Variants in MAP3K15 observed in about 807,000 individuals in gnomAD.
The protein encoded by MAP3K15 is MAPK/ERK kinase kinase 15.
A neutral mutation model predicts 99.5 loss-of-function variants in MAP3K15; 124 were observed. The observed-to-expected ratio is 1.25, with a 90% CI of 1.08 to 1.45. The LOEUF is 1.45. MAP3K15 is among the 40% of genes most tolerant of loss of function. The probability of loss-of-function intolerance (pLI) is 0.00; values close to 1 mark genes in which losing one functional copy is unlikely to be tolerated. For synonymous variants in MAP3K15, 494 were observed against 439.6 expected (o/e 1.12, Z -1.55); for missense variants, 1,242 against 1,079.7 (o/e 1.15, Z -2.11).
At chrX:19,419,582 T>G (rs971386362) in intron 9 of MAP3K15, among the ~76,000 whole-genome samples, 1 of 110,652 alleles carries the variant, frequency 9.0e-6, no homozygotes, top group Non-Finnish European at 1.9e-5. Flanking sequence ...TCCCACACAA[T>G]AATAATGGGA....
intron 18 of MAP3K15, among the ~76,000 whole-genome samples, chrX:19,391,306 G>T (rs972453209): frequency 1.8e-5 from 2 of 111,726 alleles, no homozygotes; most frequent in African/African-American, 6.5e-5. Flanking sequence ...CATTACCCAC[G>T]ATTTCAGATA....
At chrX:19,381,488 T>C (rs1045362423) in intron 18 of MAP3K15, among the ~76,000 whole-genome samples, 2 of 112,325 alleles carry the variant, frequency 1.8e-5, no homozygotes, top group African/African-American at 6.5e-5. Context: ...AGTGTAACTT[T>C]GCTGGGTTGG....
chrX:19,463,563 C>T (rs750258573), intron 4 of MAP3K15, among the ~76,000 whole-genome samples: 3 of 112,293 alleles, frequency 2.7e-5, no homozygotes, highest in Non-Finnish European at 5.6e-5. Flanking sequence ...ACAATAATAA[C>T]ATCTGAAGGT....
intron 7 of MAP3K15, among the ~76,000 whole-genome samples, chrX:19,427,225 C>G (rs2063839992): frequency 9.1e-6 from 1 of 110,291 alleles, no homozygotes; most frequent in Non-Finnish European, 1.9e-5. Flanking sequence ...ATAGCTGCAG[C>G]CTTGAACCCC....
At chrX:19,377,847 C>T (rs1373088709) in intron 19 of MAP3K15, among the ~76,000 whole-genome samples, 1 of 112,526 alleles carries the variant, frequency 8.9e-6, no homozygotes, top group Non-Finnish European at 1.9e-5. Flanking sequence ...TTGCTGTCTT[C>T]CAGCCCAGGA....
chrX:19,393,768 T>C (rs998613796), intron 16 of MAP3K15, among the ~76,000 whole-genome samples: 7 of 73,606 alleles, frequency 9.5e-5, no homozygotes, highest in Non-Finnish European at 1.4e-4. Flanking sequence ...CTCTTTTTTT[T>C]TTTTTTTTTT....
chrX:19,377,282 G>A (rs184843037), intron 19 of MAP3K15, among the ~76,000 whole-genome samples: 145 of 112,489 alleles, frequency 1.3e-3, no homozygotes, highest in African/African-American at 4.5e-3. Context: ...GGCGGGGCAC[G>A]GTGGCTCTCG....
chrX:19,446,230 G>A (rs754087529), intron 6 of MAP3K15, among the ~76,000 whole-genome samples: 1 of 112,048 alleles, frequency 8.9e-6, no homozygotes. Context: ...GAACGGTGAC[G>A]TAATTGAGTT....
At chrX:19,498,016 T>C (rs986365363) in intron 1 of MAP3K15, among the ~76,000 whole-genome samples, 1 of 111,713 alleles carries the variant, frequency 9.0e-6, no homozygotes, top group Non-Finnish European at 1.9e-5. Context: ...ACTAAATAAC[T>C]TTGCTGCTTT....
intron 3 of MAP3K15, among the ~76,000 whole-genome samples, chrX:19,473,082 T>C (rs1372080827): frequency 9.0e-6 from 1 of 111,343 alleles, no homozygotes; most frequent in Non-Finnish European, 1.9e-5. Flanking sequence ...TAGAGAAAAA[T>C]AAGGAGAAAG....
chrX:19,429,562 T>C (rs141789070), intron 7 of MAP3K15, among the ~76,000 whole-genome samples: 2 of 110,005 alleles, frequency 1.8e-5, no homozygotes, highest in African/African-American at 6.6e-5. Context: ...CTTCAAAATG[T>C]TGAGTCTGAA....
At chrX:19,461,992 A>AACACACACACACACACAC (rs66666219) in intron 4 of MAP3K15, among the ~76,000 whole-genome samples, 8 of 100,631 alleles carry the variant, frequency 7.9e-5, no homozygotes, top group Non-Finnish European at 1.4e-4. Context: ...CTTGGTCTAA[A>AACACACACACACACACAC]ACACACACAC....
chrX:19,495,985 A>G (rs1324780288), intron 1 of MAP3K15, among the ~76,000 whole-genome samples: 6 of 110,370 alleles, frequency 5.4e-5, no homozygotes, highest in Non-Finnish European at 1.1e-4. Context: ...GGGTATTGAT[A>G]TCATTGTCAT....
At chrX:19,367,126 C>T (rs1379918567) in intron 25 of MAP3K15, among the ~76,000 whole-genome samples, 1 of 111,807 alleles carries the variant, frequency 8.9e-6, no homozygotes, top group Non-Finnish European at 1.9e-5. Context: ...AAATGTGGTA[C>T]ATATACACCA....
chrX:19,438,817 C>T lies in MAP3K15; in HGVS notation c.996-7209G>A, dbSNP rs145344804. On this transcript the variant is annotated intron_variant, in intron 6 of 28. Transcript: ENST00000338883. ...GTTGGGTCACCTGTCAAAAACCTTA[C>T]AAGAGACTTCTGCTTCCAATTAAGA... is the stretch of plus-strand genomic sequence containing the variant. Among the ~76,000 whole-genome samples, 228 of 112,325 alleles carry T rather than the reference C, an allele frequency of 2.0e-3. 2 individuals are homozygous for T. The highest frequency in any genetic ancestry group is 6.8e-3 in the African/African-American group (211 of 31,005).
chrX:19,481,193 T>C (rs1022446379), intron 3 of MAP3K15, among the ~76,000 whole-genome samples: 4 of 107,967 alleles, frequency 3.7e-5, no homozygotes, highest in South Asian at 4.0e-4. Context: ...TGGAGTATAA[T>C]TGAGAGTCCA....
chrX:19,472,531 T>C (rs745565087), intron 3 of MAP3K15, among the ~76,000 whole-genome samples: 6 of 111,033 alleles, frequency 5.4e-5, no homozygotes, highest in Non-Finnish European at 1.1e-4. Flanking sequence ...CAAGGCTATA[T>C]TGGAATAAGG....
intron 16 of MAP3K15, among the ~76,000 whole-genome samples, chrX:19,393,510 A>G (rs2063541645): frequency 1.8e-5 from 2 of 110,673 alleles, no homozygotes; most frequent in Non-Finnish European, 3.8e-5. Flanking sequence ...ACGCACTTGT[A>G]ATCCTAGCTA....
intron 2 of MAP3K15, among the ~76,000 whole-genome samples, chrX:19,486,979 C>T (rs1298362003): frequency 9.0e-6 from 1 of 110,809 alleles, no homozygotes; most frequent in African/African-American, 3.3e-5. Flanking sequence ...AGCCTTCCTA[C>T]AGAAGGGGTG....
Sources: gnomAD v4.1 joint callset for allele counts (sites outside exome capture counted in the v4.1 genomes callset) on GRCh38, gnomAD v4.1.1 for gene constraint, MANE v1.5 for transcripts, NCBI Gene and HGNC (gene_info 2026-07-23, HGNC 2026-07-21) for gene names.